The following APCDD1 variants were observed in gnomAD, a reference collection of about 807,000 sequenced individuals.
APCDD1 encodes APC down-regulated 1.
APCDD1 carries 15 observed loss-of-function variants against 38.1 expected under a neutral mutation model. The ratio of observed to expected loss-of-function variants is 0.39; its 90% CI spans 0.26 to 0.61. The LOEUF is 0.61. Ranked by LOEUF, APCDD1 falls within the 20% of genes least tolerant of loss-of-function variation. The probability of loss-of-function intolerance (pLI) is 0.49; values close to 1 mark genes in which losing one functional copy is unlikely to be tolerated. For synonymous variants in APCDD1, 261 were observed against 279.7 expected, an observed-to-expected ratio of 0.93 and a Z score of 0.67; for missense variants, 647 against 696.2, an observed-to-expected ratio of 0.93 and a Z score of 0.79.
intron 3 of APCDD1, among the ~76,000 whole-genome samples, chr18:10,478,035 G>T (rs1297588643): frequency 6.6e-6 from 1 of 152,098 alleles, no homozygotes; most frequent in East Asian, 1.9e-4. Flanking sequence ...AGCTGCCTTG[G>T]AAGTCCATTT....
intron 3 of APCDD1, among the ~76,000 whole-genome samples, chr18:10,478,385 G>A (rs916203209): frequency 3.9e-5 from 6 of 152,326 alleles, no homozygotes; most frequent in African/African-American, 1.4e-4. Flanking sequence ...TGGGCAGCAG[G>A]TGCCTCAGTC....
rs372155709 is a variant in APCDD1 at position 10,468,648 on chromosome 18, A to C, written c.238A>C (p.Thr80Pro). 6 of 1,613,554 alleles carry C rather than the reference A, an allele frequency of 3.7e-6. No individual in the cohort carries two copies. Residue 80 changes from threonine to proline, a missense_variant, in exon 2 of 5, where the codon ACA becomes CCA. Physicochemically the swap from Thr to Pro is conservative, Grantham distance 38 (BLOSUM62 -1). Transcript: ENST00000355285. Reference protein sequence around the residue: ...PPTIEGHWVSTGCEVRSGPEF... With the variant: ...PPTIEGHWVSPGCEVRSGPEF... ...TACAATCGAGGGCCACTGGGTCTCC[A>C]CAGGGTAAGAGGACAGGTGGGGTCT...
rs2031327221 is a variant in APCDD1 at position 10,489,627 on chromosome 18, A to T, written c.*1589A>T. ...GGCAGGAGAATGGCATGAACCTGGGAGGTGGAGCTTGCAGTGAGCCGAGAT... is the reference window on the plus strand; with the variant it reads ...GGCAGGAGAATGGCATGAACCTGGGTGGTGGAGCTTGCAGTGAGCCGAGAT... On this transcript the variant is annotated 3_prime_UTR_variant, in exon 5 of 5. Coordinates refer to ENST00000355285, the MANE Select transcript of APCDD1 (RefSeq NM_153000.5). 1 of 151,772 alleles carries T rather than the reference A, an allele frequency of 6.6e-6. No homozygotes were observed. Among genetic ancestry groups the T allele is most frequent in the Non-Finnish European group, 1.5e-5 (1 of 68,010 alleles). 9.4% of individuals were successfully genotyped at this position (151,772 alleles called of 1,614,324 possible). A position where few individuals can be genotyped will look rare whatever the true frequency, so the allele number is the denominator to read the frequency against.
chr18:10,486,013 G>A (rs533188772), intron 4 of APCDD1, among the ~76,000 whole-genome samples: 7 of 152,316 alleles, frequency 4.6e-5, no homozygotes, highest in East Asian at 1.9e-4. Flanking sequence ...AGGAGTCCAC[G>A]CCACTGCCTG....
Position 10,471,424 on chromosome 18 carries a change from T to A in APCDD1, c.243-106T>A. 2 of 1,438,442 alleles carry A rather than the reference T, an allele frequency of 1.4e-6. No homozygotes were observed. Among genetic ancestry groups the A allele is most frequent in the Non-Finnish European group, 1.9e-6 (2 of 1,044,734 alleles). 89.1% of individuals were successfully genotyped at this position (1,438,442 alleles called of 1,614,324 possible). On this transcript the variant is annotated intron_variant, in intron 2 of 4. Transcript: ENST00000355285. The surrounding 1 kb of genome is among the most constrained non-coding windows in gnomAD (Gnocchi z 5.5). ...AGGGCTGACAACAGAGTCTGGCCCA[T>A]CGTCAGCACTTTATTATTATTTCTG...
At chr18:10,480,094 C>A (rs932460140) in intron 3 of APCDD1, among the ~76,000 whole-genome samples, 2 of 152,122 alleles carry the variant, frequency 1.3e-5, no homozygotes, top group African/African-American at 4.8e-5. Flanking sequence ...GAAGCTCTGG[C>A]TTTAAATAGC....
intron 1 of APCDD1, 81 bp downstream of exon 1, chr18:10,455,120 C>G: frequency 7.2e-6 from 11 of 1,536,206 alleles, no homozygotes; most frequent in Non-Finnish European, 9.6e-6. Flanking sequence ...GGCGTCGGGT[C>G]TGGATCGCGG....
chr18:10,460,251 C>G (rs1400388522), intron 1 of APCDD1, among the ~76,000 whole-genome samples: 1 of 152,238 alleles, frequency 6.6e-6, no homozygotes, highest in African/African-American at 2.4e-5. Flanking sequence ...CACGGTGGCT[C>G]ACGCCTGTAA....
intron 1 of APCDD1, among the ~76,000 whole-genome samples, chr18:10,460,187 G>A (rs1398115885): frequency 4.6e-5 from 7 of 152,270 alleles, no homozygotes; most frequent in Non-Finnish European, 5.9e-5. Flanking sequence ...GTGAAAAACC[G>A]TGGAATATAT....
At chr18:10,481,889 A>G (rs1300037699) in intron 3 of APCDD1, among the ~76,000 whole-genome samples, 1 of 152,126 alleles carries the variant, frequency 6.6e-6, no homozygotes, top group Non-Finnish European at 1.5e-5. Context: ...TGGAACAGCA[A>G]CACTTCAGCC....
At chr18:10,465,347 G>A (rs532291178) in intron 1 of APCDD1, among the ~76,000 whole-genome samples, 4 of 152,236 alleles carry the variant, frequency 2.6e-5, no homozygotes, top group African/African-American at 9.6e-5. Flanking sequence ...ATTGCAAATA[G>A]GCTGATTTTG....
chr18:10,487,920 T>G lies in APCDD1; in HGVS notation c.1427T>G (p.Leu476Arg). The G allele has an allele frequency of 6.2e-7, 1 of 1,613,384 alleles. No individual in the cohort carries two copies. Among genetic ancestry groups the G allele is most frequent in the Admixed American group, 1.7e-5 (1 of 60,016 alleles). The part of the protein sequence containing the change: ...CASSSPRAED[L>R]AEDSGSSLYG... ...TCCTCTTCGCCGAGGGCAGAGGACC[T>G]CGCAGAAGACAGTGGAAGCAGCCTG... Residue 476 changes from leucine to arginine, a missense_variant, in exon 5 of 5, where the codon CTC becomes CGC. Coordinates refer to ENST00000355285, the MANE Select transcript of APCDD1 (RefSeq NM_153000.5).
rs1378276785 is a variant in APCDD1, at chr18:10,472,017, T to C, written c.730T>C (p.Phe244Leu). 1 of 1,613,846 alleles carries C rather than the reference T, an allele frequency of 6.2e-7. No individual in the cohort carries two copies. The highest frequency in any genetic ancestry group is 1.7e-5 in the Admixed American group (1 of 60,026). ...TCACACTGATGCCACCCAGAGGATG[T>C]TCTACCGGCCCTCCAGTTACCAGCC... ...DIHTDATQRM[F>L]YRPSSYQPPL... Residue 244 changes from phenylalanine to leucine, a missense_variant, in exon 3 of 5, where the codon TTC (phenylalanine) becomes CTC (leucine). By Grantham distance (22) the Phe-to-Leu change is conservative. Transcript: ENST00000355285. The surrounding 1 kb of genome is among the most constrained non-coding windows in gnomAD (Gnocchi z 6.6).
chr18:10,461,943 G>A (rs955750718), intron 1 of APCDD1, among the ~76,000 whole-genome samples: 8 of 152,296 alleles, frequency 5.3e-5, no homozygotes, highest in South Asian at 2.1e-4. Flanking sequence ...AAAAAACTCC[G>A]TAGTCTACAC....
rs1368862296 is a variant in APCDD1, at chr18:10,488,025, A to T, written c.1532A>T (p.Asn511Ile). The stretch of plus-strand genomic sequence containing the variant: ...TGCCTTGTCCCTCTGCTGCATTGGA[A>T]CATCCGCAGATAGAAGTTTTAGAAA... ...LACLVPLLHW[N>I]IRR Residue 511 changes from asparagine to isoleucine, a missense_variant, in exon 5 of 5, where the codon AAC (asparagine) becomes ATC (isoleucine). Asn to Ile is a moderately radical substitution (Grantham distance 149). Transcript: ENST00000355285. 6.2e-7 allele frequency: 1 copy of T among 1,613,778 alleles called. No individual in the cohort carries two copies. Among genetic ancestry groups the T allele is most frequent in the South Asian group, 1.1e-5 (1 of 91,088 alleles).
chr18:10,480,670 T>C (rs2143554493), intron 3 of APCDD1, among the ~76,000 whole-genome samples: 1 of 151,490 alleles, frequency 6.6e-6, no homozygotes, highest in South Asian at 2.1e-4. Context: ...GAGACCAGCC[T>C]GGGCAACATG....
intron 3 of APCDD1, among the ~76,000 whole-genome samples, chr18:10,481,613 C>T (rs1451526123): frequency 7.0e-6 from 1 of 142,302 alleles, no homozygotes; most frequent in African/African-American, 3.1e-5. Flanking sequence ...AGCCGCACAA[C>T]AGTGTGAATA....
intron 1 of APCDD1, among the ~76,000 whole-genome samples, chr18:10,455,342 C>T (rs1383708724): frequency 6.6e-6 from 1 of 152,228 alleles, no homozygotes; most frequent in African/African-American, 2.4e-5. Flanking sequence ...CCGTTGCATC[C>T]AGTCCGAGGG....
intron 1 of APCDD1, among the ~76,000 whole-genome samples, chr18:10,462,019 C>A (rs1011776983): frequency 6.6e-6 from 1 of 152,152 alleles, no homozygotes; most frequent in Non-Finnish European, 1.5e-5. Context: ...CACGGTAGTG[C>A]CTTAAGGCAC....
Sources: allele counts gnomAD v4.1 joint callset (sites outside exome capture counted in the v4.1 genomes callset), GRCh38; gene constraint gnomAD v4.1.1; non-coding constraint Gnocchi (gnomAD v3.1); transcripts MANE v1.5; gene names NCBI Gene and HGNC (gene_info 2026-07-23, HGNC 2026-07-21).